Variants in OR51B5 observed in about 807,000 individuals in gnomAD.
The protein encoded by OR51B5 is olfactory receptor 51B5.
For missense variants in OR51B5, 456 were observed against 374.6 expected, an observed-to-expected ratio of 1.22 and a Z score of -1.79; for synonymous variants, 186 against 144.8, an observed-to-expected ratio of 1.28 and a Z score of -2.04.
intron 1 of OR51B5, among the ~76,000 whole-genome samples, chr11:5,469,645 C>T (rs1851196426): frequency 6.6e-6 from 1 of 152,174 alleles, no homozygotes; most frequent in African/African-American, 2.4e-5. Flanking sequence ...CCAGGTTCTT[C>T]CCCATAGAAA....
chr11:5,437,896 T>A (rs1051913578), intron 1 of OR51B5, among the ~76,000 whole-genome samples: 2 of 152,170 alleles, frequency 1.3e-5, no homozygotes, highest in African/African-American at 4.8e-5. Context: ...CTCCCTTTTC[T>A]ATCAAGTGGT....
upstream of OR51B5, among the ~76,000 whole-genome samples, chr11:5,347,611 G>C (rs1364433220): frequency 6.6e-6 from 1 of 152,098 alleles, no homozygotes; most frequent in East Asian, 1.9e-4. Flanking sequence ...CACAGCAAGA[G>C]CCAAAGCCAC....
Position 5,412,681 on chromosome 11 carries a change from G to A in OR51B5, n.85-65771C>T, listed in dbSNP as rs549426204. On this transcript the variant is annotated intron_variant and non_coding_transcript_variant, in intron 1 of 4. Transcript: ENST00000415970. ...GAGGGTCCTACGCCGACGGAGTCTC[G>A]CTGATTCCTAGCACAGCAGTCTGCG... Among the ~76,000 whole-genome samples, 919 of 152,210 alleles carry A rather than the reference G, an allele frequency of 6.0e-3. 16 individuals are homozygous for A. The highest frequency in any genetic ancestry group is 0.021 in the African/African-American group (876 of 41,530).
chr11:5,448,953 C>A (rs1217462974), intron 1 of OR51B5, among the ~76,000 whole-genome samples: 1 of 152,208 alleles, frequency 6.6e-6, no homozygotes, highest in East Asian at 1.9e-4. Context: ...GAACCAGCCC[C>A]ACTCAATATA....
At chr11:5,457,052 A>G (rs1850971334) in intron 1 of OR51B5, among the ~76,000 whole-genome samples, 3 of 152,188 alleles carry the variant, frequency 2.0e-5, no homozygotes, top group African/African-American at 7.2e-5. Flanking sequence ...CTGCAGAACC[A>G]TTATTTCTTT....
intron 1 of OR51B5, among the ~76,000 whole-genome samples, chr11:5,386,886 T>G (rs1010456918): frequency 1.4e-4 from 21 of 151,972 alleles, no homozygotes; most frequent in Non-Finnish European, 3.1e-4. Flanking sequence ...TGAATAATAT[T>G]ATAAAAAATG....
At position 5,488,632 on chromosome 11, in the gene OR51B5, A is replaced by G. The variant is rs1213710259; in HGVS notation, n.84+16937T>C. ...ACAGAAAGATCTTTGTTTTACATAA[A>G]TCAACCAAATATCTGATGTTACAGG... is the stretch of plus-strand genomic sequence containing the variant. On this transcript the variant is annotated intron_variant and non_coding_transcript_variant, in intron 1 of 4. Coordinates refer to the OR51B5 transcript ENST00000415970. The G allele has an allele frequency of 2.7e-6, 3 of 1,116,390 alleles. No individual in the cohort carries two copies. In the South Asian group the frequency reaches 4.5e-5, roughly 17 times the overall value. The allele number at this position is 1,116,390 out of a possible 1,614,324, so 69.2% of individuals were successfully genotyped here.
At chr11:5,441,787 G>A (rs535658528) in intron 1 of OR51B5, among the ~76,000 whole-genome samples, 2 of 152,244 alleles carry the variant, frequency 1.3e-5, no homozygotes, top group East Asian at 1.9e-4. Flanking sequence ...GGCATAATAG[G>A]AGACAACATT....
At chr11:5,352,415 G>T (rs180742146) in intron 1 of OR51B5, 7 of 1,608,342 alleles carry the variant, frequency 4.4e-6, no homozygotes, top group Non-Finnish European at 5.9e-6. Context: ...GGCATACTTC[G>T]TTTATTCTCT....
intron 1 of OR51B5, among the ~76,000 whole-genome samples, chr11:5,414,008 A>T (rs1206730722): frequency 6.7e-6 from 1 of 148,678 alleles, no homozygotes; most frequent in East Asian, 2.0e-4. Flanking sequence ...GAAATGAAGG[A>T]AAAAATGTTA....
intron 1 of OR51B5, among the ~76,000 whole-genome samples, chr11:5,353,846 A>G (rs2133690343): frequency 6.6e-6 from 1 of 152,286 alleles, no homozygotes; most frequent in East Asian, 1.9e-4. Flanking sequence ...GATTCTTGGG[A>G]TGTATAAATA....
At position 5,343,167 on chromosome 11, in the gene OR51B5, G is replaced by A. The variant is rs759629189; in HGVS notation, c.358C>T (p.Arg120Cys). The A allele has an allele frequency of 8.7e-6, 14 of 1,613,660 alleles. No individual in the cohort carries two copies. The highest frequency in any genetic ancestry group is 2.7e-5 in the African/African-American group (2 of 74,896). ...AGAGGGTTGCAGATGGCAATAAAAC[G>A]GTCATAGGCCATGGCAAGCAGAATG... The change falls in exon 1 of 1, where the codon CGT becomes TGT. Residue 120 changes from arginine (R) to cysteine (C), a missense_variant. Transcript: ENST00000300773.
intron 1 of OR51B5, among the ~76,000 whole-genome samples, chr11:5,376,247 A>G (rs2133712484): frequency 6.6e-6 from 1 of 152,264 alleles, no homozygotes; most frequent in East Asian, 1.9e-4. Context: ...AGAAATAAAG[A>G]TGTTCTTTGA....
chr11:5,390,105 C>G (rs1012383834), intron 1 of OR51B5: 1 of 1,613,802 alleles, frequency 6.2e-7, no homozygotes. Context: ...ATCCTGCACA[C>G]AGTAGCAGGC....
chr11:5,423,433 C>T (rs1352578628), intron 1 of OR51B5, among the ~76,000 whole-genome samples: 1 of 152,128 alleles, frequency 6.6e-6, no homozygotes, highest in African/African-American at 2.4e-5. Context: ...CGAAGCTTGT[C>T]TTTCTTTCTG....
Position 5,441,564 on chromosome 11 carries a change from C to G in OR51B5, n.84+64005G>C, listed in dbSNP as rs748782998. 5 of 1,381,434 alleles carry G rather than the reference C, an allele frequency of 3.6e-6. No individual in the cohort carries two copies. In the Admixed American group the frequency reaches 9.2e-5, roughly 25 times the overall value. 85.6% of individuals were successfully genotyped at this position (1,381,434 alleles called of 1,614,324 possible). ...GGACCCAAGAGGGTGTGTTGGGAAACTTCTTCACTTTCTTTCAGATATCCT... is the reference window on the plus strand; with the variant it reads ...GGACCCAAGAGGGTGTGTTGGGAAAGTTCTTCACTTTCTTTCAGATATCCT... On this transcript the variant is annotated intron_variant and non_coding_transcript_variant, in intron 1 of 4. Coordinates refer to the OR51B5 transcript ENST00000415970.
Position 5,450,693 on chromosome 11 carries a change from T to C in OR51B5, n.84+54876A>G, listed in dbSNP as rs16931230. On this transcript the variant is annotated intron_variant and non_coding_transcript_variant, in intron 1 of 4. Coordinates refer to the OR51B5 transcript ENST00000415970. Reference sequence around the variant, plus strand: ...TTAGGGGTACCTGTGAAATCTTTGTTCAGAAATGCATTCCTCTATTTTCCT... The same window carrying C: ...TTAGGGGTACCTGTGAAATCTTTGTCCAGAAATGCATTCCTCTATTTTCCT... Among the ~76,000 whole-genome samples the C allele has an allele frequency of 7.9e-3, 1,197 of 152,308 alleles. 22 individuals are homozygous for C. The highest frequency in any genetic ancestry group is 0.028 in the African/African-American group (1,152 of 41,570).
chr11:5,380,453 C>T (rs1849592559), intron 1 of OR51B5, among the ~76,000 whole-genome samples: 3 of 152,308 alleles, frequency 2.0e-5, no homozygotes, highest in Middle Eastern at 6.8e-3. Flanking sequence ...AGGACTTGTT[C>T]TAACAGGCCT....
intron 1 of OR51B5, among the ~76,000 whole-genome samples, chr11:5,476,749 GTTAC>G (rs771336540): frequency 6.6e-6 from 1 of 152,172 alleles, no homozygotes; most frequent in Non-Finnish European, 1.5e-5. Context: ...TCCTAGACAA[GTTAC>G]TTAATCTGTT....
Sources: gnomAD v4.1 joint callset for allele counts (sites outside exome capture counted in the v4.1 genomes callset) on GRCh38, gnomAD v4.1.1 for gene constraint, MANE v1.5 for transcripts, NCBI Gene and HGNC (gene_info 2026-07-23, HGNC 2026-07-21) for gene names.